PTPRG: variants seen among roughly 807,000 people sequenced by gnomAD.
PTPRG encodes receptor-type tyrosine-protein phosphatase gamma.
In PTPRG, 102 loss-of-function variants were observed where a neutral mutation model predicts 165.3. The ratio of observed to expected loss-of-function variants is 0.62; its 90% CI spans 0.53 to 0.73. PTPRG has a LOEUF of 0.73. Among genes scored for constraint, PTPRG ranks in the 30% least tolerant of loss-of-function variants. PTPRG has a pLI of 0.00. For missense variants in PTPRG, 1,866 were observed against 1,861.4 expected (o/e 1.00, Z -0.05); for synonymous variants, 675 against 669.5 (o/e 1.01, Z -0.13).
intron 4 of PTPRG, among the ~76,000 whole-genome samples, chr3:62,055,331 T>G (rs1700598658): frequency 6.6e-6 from 1 of 152,194 alleles, no homozygotes; most frequent in South Asian, 2.1e-4. Flanking sequence ...CACAGAAATA[T>G]CGCTAATAAG....
At chr3:61,646,703 T>C (rs79664326) in intron 1 of PTPRG, among the ~76,000 whole-genome samples, 47,684 of 152,152 alleles carry the variant, frequency 0.31, 9,280 homozygotes, top group South Asian at 0.51. Context: ...TTATGCATTT[T>C]TTTCATATGT....
chr3:61,761,611 C>T (rs926329907), intron 2 of PTPRG, among the ~76,000 whole-genome samples: 2 of 133,340 alleles, frequency 1.5e-5, no homozygotes, highest in Non-Finnish European at 3.3e-5. Context: ...ACAAACAAAC[C>T]GTCATCCTGA....
At chr3:61,704,484 C>T (rs1470953053) in intron 1 of PTPRG, among the ~76,000 whole-genome samples, 2 of 152,088 alleles carry the variant, frequency 1.3e-5, no homozygotes, top group African/African-American at 4.8e-5. Flanking sequence ...AAATTTGTGT[C>T]AGTTTGGCCT....
intron 2 of PTPRG, among the ~76,000 whole-genome samples, chr3:61,787,264 A>C (rs1467512746): frequency 1.3e-5 from 2 of 152,190 alleles, no homozygotes; most frequent in Admixed American, 1.3e-4. Flanking sequence ...GTTCGTTTGT[A>C]TTTCCTGTAA....
At chr3:62,123,123 T>C (rs181495585) in intron 5 of PTPRG, among the ~76,000 whole-genome samples, 1 of 152,222 alleles carries the variant, frequency 6.6e-6, no homozygotes. Context: ...TCAAGGTTTC[T>C]CACAAAGCTA....
intron 4 of PTPRG, among the ~76,000 whole-genome samples, chr3:62,024,956 C>A (rs1320017035): frequency 6.6e-6 from 1 of 152,170 alleles, no homozygotes; most frequent in Non-Finnish European, 1.5e-5. Flanking sequence ...AGGTTGCTGC[C>A]TCTGTTGTGT....
At position 62,203,697 on chromosome 3, in the gene PTPRG, C is replaced by T. The variant is rs556314095; in HGVS notation, c.1902C>T (p.Ala634=). 32 of 1,575,928 alleles carry T rather than the reference C, an allele frequency of 2.0e-5. No individual in the cohort carries two copies. The highest frequency in any genetic ancestry group is 9.3e-5 in the South Asian group (8 of 86,406). Residue 634 remains alanine, a synonymous_variant, in exon 12 of 30, where the codon GCC becomes GCT. Coordinates refer to ENST00000474889, the MANE Select transcript of PTPRG (RefSeq NM_002841.4). This position sits in a 1 kb window ranked among gnomAD's most constrained non-coding sequence, Gnocchi z 6.4. ...SPTPSSPNRT[A]EGGHQTIPGH... is the part of the protein sequence containing the mutation. ...CACCCTCGTCTCCTAACAGGACTGC[C>T]GAGGGAGGGCATCAGACTATACCTG...
chr3:61,937,989 G>T (rs1164790743), intron 2 of PTPRG, among the ~76,000 whole-genome samples: 1 of 151,072 alleles, frequency 6.6e-6, no homozygotes, highest in African/African-American at 2.4e-5. Context: ...ATTTTGCCAT[G>T]AGTGCTTTTA....
At chr3:61,882,144 A>G (rs2037905382) in intron 2 of PTPRG, among the ~76,000 whole-genome samples, 1 of 152,240 alleles carries the variant, frequency 6.6e-6, no homozygotes, top group Admixed American at 6.5e-5. Flanking sequence ...AACTGTGAAC[A>G]ACTTTCTGAA....
intron 4 of PTPRG, among the ~76,000 whole-genome samples, chr3:62,026,102 A>T (rs561889962): frequency 6.6e-6 from 1 of 152,340 alleles, no homozygotes; most frequent in African/African-American, 2.4e-5. Context: ...AAGTGAGGCC[A>T]GTTTATTTCT....
chr3:61,704,190 G>A (rs1236007934), intron 1 of PTPRG, among the ~76,000 whole-genome samples: 1 of 152,222 alleles, frequency 6.6e-6, no homozygotes, highest in Non-Finnish European at 1.5e-5. Context: ...TCTGGAGGTA[G>A]ACGGCCAGGT....
intron 1 of PTPRG, among the ~76,000 whole-genome samples, chr3:61,602,510 A>G (rs1411274730): frequency 6.6e-6 from 1 of 152,230 alleles, no homozygotes; most frequent in African/African-American, 2.4e-5. Flanking sequence ...TTGATTTCAA[A>G]TTACGCCTGT....
chr3:61,748,068 C>T (rs1338262071), intron 1 of PTPRG, among the ~76,000 whole-genome samples: 2 of 152,156 alleles, frequency 1.3e-5, no homozygotes, highest in Non-Finnish European at 2.9e-5. Flanking sequence ...TTTGCTGTTG[C>T]TTGGTGGATT....
chr3:61,606,465 G>T (rs1701010737), intron 1 of PTPRG, among the ~76,000 whole-genome samples: 1 of 152,184 alleles, frequency 6.6e-6, no homozygotes, highest in Non-Finnish European at 1.5e-5. Flanking sequence ...CAGGGCCATT[G>T]ATATACATCT....
chr3:62,179,555 A>G (rs1705568951), intron 8 of PTPRG, among the ~76,000 whole-genome samples: 1 of 152,204 alleles, frequency 6.6e-6, no homozygotes, highest in South Asian at 2.1e-4. Context: ...CTGACTGTTG[A>G]AAACTTGGTT....
intron 3 of PTPRG, among the ~76,000 whole-genome samples, chr3:61,993,293 C>CCGCA (rs2040941713): frequency 6.6e-6 from 1 of 151,874 alleles, no homozygotes. Flanking sequence ...TCTCAGCTCA[C>CCGCA]CGCAACCTCC....
chr3:61,708,656 A>G (rs1256856482), intron 1 of PTPRG, among the ~76,000 whole-genome samples: 1 of 151,450 alleles, frequency 6.6e-6, no homozygotes, highest in Non-Finnish European at 1.5e-5. Context: ...ATGGGGTTTC[A>G]CTGTGTTAGC....
chr3:61,670,567 T>A (rs898587950), intron 1 of PTPRG, among the ~76,000 whole-genome samples: 2 of 152,184 alleles, frequency 1.3e-5, no homozygotes, highest in Non-Finnish European at 2.9e-5. Flanking sequence ...TTCCATATGG[T>A]CATACTCCAA....
intron 8 of PTPRG, 113 bp from the exon 9 acceptor site, chr3:62,191,356 T>G: frequency 1.2e-6 from 1 of 867,058 alleles, no homozygotes. Context: ...GAAGGGAGCA[T>G]GGGTGCTTCC....
Sources: allele counts gnomAD v4.1 joint callset (sites outside exome capture counted in the v4.1 genomes callset), GRCh38; gene constraint gnomAD v4.1.1; non-coding constraint Gnocchi (gnomAD v3.1); transcripts MANE v1.5; gene names NCBI Gene and HGNC (gene_info 2026-07-23, HGNC 2026-07-21).